SAMD13: variants seen among roughly 807,000 people sequenced by gnomAD.
SAMD13 encodes sterile alpha motif domain containing 13, also known as sterile alpha motif domain-containing protein 13.
Under a neutral mutation model 12.4 loss-of-function variants are expected in SAMD13, and 9 were observed. That is an observed-to-expected ratio of 0.72 (90% CI 0.44 to 1.26). The LOEUF is 1.26. Among genes scored for constraint, SAMD13 ranks in the 50% most tolerant of loss-of-function variants. SAMD13 has a pLI of 0.00. For synonymous variants in SAMD13, 46 were observed against 45.4 expected, an observed-to-expected ratio of 1.01 and a Z score of -0.05; for missense variants, 84 against 119.6, an observed-to-expected ratio of 0.70 and a Z score of 1.39.
chr1:84,328,662 C>T (rs1679110559), intron 3 of SAMD13, among the ~76,000 whole-genome samples: 1 of 152,172 alleles, frequency 6.6e-6, no homozygotes, highest in South Asian at 2.1e-4. Flanking sequence ...CATCACACTA[C>T]AGAGGGCATC....
At position 84,349,769 on chromosome 1, in the gene SAMD13, T is replaced by G. The variant is rs1259986983; in HGVS notation, c.304T>G (p.Ser102Ala). The G allele has an allele frequency of 6.2e-7, 1 of 1,608,220 alleles. No individual in the cohort carries two copies. The highest frequency in any genetic ancestry group is 8.5e-7 in the Non-Finnish European group (1 of 1,177,372). ...GACAAAGCATTTAAAGAACAACTCTTCATAGTACAGTCAAATTGGGGTCTT... is the reference window on the plus strand; with the variant it reads ...GACAAAGCATTTAAAGAACAACTCTGCATAGTACAGTCAAATTGGGGTCTT... ...LQTKHLKNNS[S>A] The change falls in exon 4 of 4, where the codon TCA becomes GCA. Residue 102 changes from serine to alanine, a missense_variant. Physicochemically the swap from Ser to Ala is moderately conservative, Grantham distance 99. Transcript: ENST00000394834.
At chr1:84,343,122 A>G (rs1166237562) in intron 3 of SAMD13, among the ~76,000 whole-genome samples, 1 of 152,246 alleles carries the variant, frequency 6.6e-6, no homozygotes, top group African/African-American at 2.4e-5. Flanking sequence ...ATCACAGATT[A>G]TTAGGTAAAT....
At chr1:84,317,536 G>C (rs1046174526) in intron 2 of SAMD13, among the ~76,000 whole-genome samples, 1 of 151,956 alleles carries the variant, frequency 6.6e-6, no homozygotes, top group African/African-American at 2.4e-5. Context: ...AACCGTCCTA[G>C]GAATAAATCC....
chr1:84,336,487 C>T (rs976950425), intron 3 of SAMD13, among the ~76,000 whole-genome samples: 2 of 152,054 alleles, frequency 1.3e-5, no homozygotes, highest in African/African-American at 4.8e-5. Flanking sequence ...AGAGAGAGAG[C>T]TTTTGAGGGG....
chr1:84,315,628 G>A (rs1263634308), intron 2 of SAMD13, among the ~76,000 whole-genome samples: 7 of 152,162 alleles, frequency 4.6e-5, no homozygotes, highest in Admixed American at 1.3e-4. Context: ...ATCTGTCAAC[G>A]GACATTTCAG....
At chr1:84,348,847 G>A (rs888151673) in intron 3 of SAMD13, among the ~76,000 whole-genome samples, 1 of 152,130 alleles carries the variant, frequency 6.6e-6, no homozygotes, top group Non-Finnish European at 1.5e-5. Context: ...ACCTTATTTG[G>A]AAGTTTGAGG....
intron 2 of SAMD13, among the ~76,000 whole-genome samples, chr1:84,309,356 A>G (rs999018837): frequency 6.6e-6 from 1 of 152,272 alleles, no homozygotes; most frequent in Admixed American, 6.5e-5. Flanking sequence ...CTGCAAGAGG[A>G]GGAAAAGGAT....
upstream of SAMD13, among the ~76,000 whole-genome samples, chr1:84,301,171 A>G (rs977547242): frequency 6.6e-6 from 1 of 152,198 alleles, no homozygotes; most frequent in African/African-American, 2.4e-5. Flanking sequence ...ATGAAGTAAA[A>G]GGATTTGCTG....
intron 3 of SAMD13, among the ~76,000 whole-genome samples, chr1:84,329,140 TATAAG>T (rs1210835111): frequency 6.6e-6 from 1 of 151,928 alleles, no homozygotes; most frequent in Non-Finnish European, 1.5e-5. Context: ...TCAATGCTCT[TATAAG>T]AAGAGAACAA....
chr1:84,347,476 G>A (rs563184528), intron 3 of SAMD13, among the ~76,000 whole-genome samples: 5 of 152,304 alleles, frequency 3.3e-5, no homozygotes, highest in South Asian at 2.1e-4. Context: ...ATGCTGAGTT[G>A]TCAAAGGACT....
chr1:84,318,322 G>T (rs963622635), intron 2 of SAMD13, among the ~76,000 whole-genome samples: 7 of 151,350 alleles, frequency 4.6e-5, no homozygotes, highest in Admixed American at 3.3e-4. Flanking sequence ...GTTTTTATTT[G>T]TCTCAAGATA....
chr1:84,321,040 A>T (rs1269882317), intron 2 of SAMD13, among the ~76,000 whole-genome samples: 1 of 152,160 alleles, frequency 6.6e-6, no homozygotes, highest in African/African-American at 2.4e-5. Context: ...TTTTGCTGCC[A>T]GAACTTAAAA....
intron 3 of SAMD13, among the ~76,000 whole-genome samples, chr1:84,344,248 T>TA (rs2101820774): frequency 6.6e-6 from 1 of 152,328 alleles, no homozygotes; most frequent in East Asian, 1.9e-4. Context: ...TTGTGACTGT[T>TA]ACTTCAACAA....
intron 3 of SAMD13, among the ~76,000 whole-genome samples, chr1:84,332,306 C>G (rs970579131): frequency 6.6e-6 from 1 of 152,186 alleles, no homozygotes; most frequent in African/African-American, 2.4e-5. Context: ...TGAGAAATCA[C>G]CAAACTTCTC....
chr1:84,336,199 G>C (rs931385933), intron 3 of SAMD13, among the ~76,000 whole-genome samples: 3 of 151,838 alleles, frequency 2.0e-5, no homozygotes, highest in Non-Finnish European at 4.4e-5. Flanking sequence ...TTGTAGATTT[G>C]GTCTCTTTAC....
intron 3 of SAMD13, 55 bp downstream of exon 3, chr1:84,325,803 C>T (rs1363269378): frequency 4.7e-6 from 5 of 1,066,338 alleles, no homozygotes; most frequent in Non-Finnish European, 7.3e-6. Flanking sequence ...ACAGTTACCT[C>T]CCTTCCCAAC....
chr1:84,312,185 G>T (rs1678730386), intron 2 of SAMD13, among the ~76,000 whole-genome samples: 1 of 152,010 alleles, frequency 6.6e-6, no homozygotes, highest in African/African-American at 2.4e-5. Context: ...GCCATTTATA[G>T]CTAAGCAAAA....
In SAMD13 at chr1:84,312,226, T is replaced by C. The variant is rs182119807; in HGVS notation, c.53+8939T>C. ...AGCTCAGATTCTGTTTTAAATCATATTATCTTTACCTTTTTTTACACAACA... is the reference window on the plus strand; with the variant it reads ...AGCTCAGATTCTGTTTTAAATCATACTATCTTTACCTTTTTTTACACAACA... On this transcript the variant is annotated intron_variant, in intron 2 of 3. Transcript: ENST00000394834. 1.9e-3 allele frequency among the ~76,000 whole-genome samples: 295 copies of C among 152,226 alleles called. 2 individuals carry two copies. The highest frequency in any genetic ancestry group is 6.8e-3 in the African/African-American group (283 of 41,560).
At chr1:84,347,391 A>G (rs998512747) in intron 3 of SAMD13, among the ~76,000 whole-genome samples, 2 of 152,242 alleles carry the variant, frequency 1.3e-5, no homozygotes, top group Admixed American at 6.5e-5. Context: ...AGCATGAAAC[A>G]TGATTTTTCC....
Sources: gnomAD v4.1 joint callset for allele counts (sites outside exome capture counted in the v4.1 genomes callset) on GRCh38, gnomAD v4.1.1 for gene constraint, MANE v1.5 for transcripts, NCBI Gene and HGNC (gene_info 2026-07-23, HGNC 2026-07-21) for gene names.